The following MICAL2 variants were observed in gnomAD, a reference collection of about 807,000 sequenced individuals.
MICAL2 encodes the protein [F-actin]-monooxygenase MICAL2.
Under a neutral mutation model 127.3 loss-of-function variants are expected in MICAL2, and 77 were observed. The ratio of observed to expected loss-of-function variants is 0.60; its 90% CI spans 0.50 to 0.73. The LOEUF (loss-of-function observed/expected upper bound fraction) is 0.73. Ranked by LOEUF, MICAL2 falls within the 30% of genes least tolerant of loss-of-function variation. MICAL2 has a pLI of 0.00. For synonymous variants in MICAL2, 570 were observed against 551.1 expected (o/e 1.03, Z -0.48); for missense variants, 1,351 against 1,434.4 (o/e 0.94, Z 0.94).
At chr11:12,265,438 T>A (rs1233939698), downstream of MICAL2, among the ~76,000 whole-genome samples, 1 of 152,220 alleles carries the variant, frequency 6.6e-6, no homozygotes, top group Non-Finnish European at 1.5e-5. Flanking sequence ...GGTGATAACC[T>A]TCTAAGCATA....
At chr11:12,178,359 G>A (rs1857065355) in intron 3 of MICAL2, among the ~76,000 whole-genome samples, 1 of 152,050 alleles carries the variant, frequency 6.6e-6, no homozygotes, top group Non-Finnish European at 1.5e-5. Context: ...GCCTCAGGAG[G>A]TCCTGAGAAC....
At chr11:12,228,610 G>T (rs1857790170) in intron 15 of MICAL2, among the ~76,000 whole-genome samples, 1 of 152,210 alleles carries the variant, frequency 6.6e-6, no homozygotes, top group Non-Finnish European at 1.5e-5. Flanking sequence ...TGAGGCGCTG[G>T]CAGAGGCAGA....
intron 6 of MICAL2, among the ~76,000 whole-genome samples, chr11:12,210,837 C>T (rs1017750039): frequency 6.6e-6 from 1 of 152,168 alleles, no homozygotes; most frequent in African/African-American, 2.4e-5. Context: ...TGGGGCCACA[C>T]CATTCTTTGT....
chr11:12,251,457 G>C (rs1861535571), intron 22 of MICAL2, among the ~76,000 whole-genome samples: 2 of 151,666 alleles, frequency 1.3e-5, no homozygotes. Flanking sequence ...TTATTTCCCT[G>C]TGGCCTCTCA....
chr11:12,333,621 C>T (rs72857263), intron 32 of MICAL2, among the ~76,000 whole-genome samples: 1 of 151,928 alleles, frequency 6.6e-6, no homozygotes, highest in Non-Finnish European at 1.5e-5. Flanking sequence ...GTCTATATGA[C>T]AAAAACCCCA....
chr11:12,236,084 A>T (rs1859013504), intron 15 of MICAL2, 93 bp from the exon 16 acceptor site: 2 of 1,073,494 alleles, frequency 1.9e-6, no homozygotes, highest in Non-Finnish European at 2.9e-6. Context: ...CCTCAGCGCC[A>T]GCTCAAAGCC....
chr11:12,293,786 G>T, downstream of MICAL2: 5 of 1,612,942 alleles, frequency 3.1e-6, no homozygotes, highest in Non-Finnish European at 4.2e-6. Flanking sequence ...GCCAGCAGAG[G>T]CCCCTCTTGG....
intron 29 of MICAL2, among the ~76,000 whole-genome samples, chr11:12,297,259 T>G (rs1321016076): frequency 2.0e-5 from 3 of 152,146 alleles, no homozygotes; most frequent in Non-Finnish European, 4.4e-5. Flanking sequence ...GGTGTGAATT[T>G]CATTTTTTGT....
chr11:12,166,688 G>A (rs963480828), intron 3 of MICAL2, among the ~76,000 whole-genome samples: 16 of 152,168 alleles, frequency 1.1e-4, no homozygotes, highest in African/African-American at 3.9e-4. Context: ...ATTCTGATAA[G>A]TGATCAGTAA....
upstream of MICAL2, among the ~76,000 whole-genome samples, chr11:12,275,501 G>C (rs567565589): frequency 1.8e-4 from 27 of 152,314 alleles, no homozygotes; most frequent in African/African-American, 6.5e-4. Flanking sequence ...GGAAATGAAG[G>C]AGATAGCCAG....
downstream of MICAL2, among the ~76,000 whole-genome samples, chr11:12,292,488 G>T (rs180884240): frequency 1.5e-3 from 234 of 152,310 alleles, no homozygotes; most frequent in Middle Eastern, 0.014. Flanking sequence ...AGCTCCTGCT[G>T]TTCCTTCACA....
At chr11:12,235,846 C>T (rs1306610667) in intron 15 of MICAL2, among the ~76,000 whole-genome samples, 1 of 152,224 alleles carries the variant, frequency 6.6e-6, no homozygotes, top group Non-Finnish European at 1.5e-5. Context: ...CAATGGAGAT[C>T]ATCCCTGCCC....
chr11:12,334,531 A>G (rs951171709), intron 32 of MICAL2, among the ~76,000 whole-genome samples: 6 of 151,556 alleles, frequency 4.0e-5, no homozygotes, highest in Admixed American at 1.3e-4. Flanking sequence ...TACATGTGCC[A>G]TGTTGGTGTG....
chr11:12,220,584 T>G, intron 9 of MICAL2, 126 bp downstream of exon 9: 1 of 1,338,748 alleles, frequency 7.5e-7, no homozygotes, highest in East Asian at 2.5e-5. Context: ...GGCAGGACTC[T>G]GCCAAGCCTG....
downstream of MICAL2, among the ~76,000 whole-genome samples, chr11:12,288,515 G>A (rs192186964): frequency 6.6e-6 from 1 of 152,310 alleles, no homozygotes; most frequent in Admixed American, 6.5e-5. Context: ...ATGGTGTCTG[G>A]GATGGGCCTG....
At chr11:12,184,291 G>A (rs546438858) in intron 3 of MICAL2, among the ~76,000 whole-genome samples, 4 of 152,318 alleles carry the variant, frequency 2.6e-5, no homozygotes, top group East Asian at 1.9e-4. Flanking sequence ...GACTCTGAGC[G>A]GAAGCTCTCT....
chr11:12,269,621 A>T (rs1863651968), intron 24 of MICAL2, among the ~76,000 whole-genome samples: 1 of 152,182 alleles, frequency 6.6e-6, no homozygotes, highest in Admixed American at 6.5e-5. Context: ...CCCAGTGTCC[A>T]GGATGAGGGC....
At chr11:12,192,247 G>A (rs1216781039) in intron 3 of MICAL2, among the ~76,000 whole-genome samples, 1 of 152,206 alleles carries the variant, frequency 6.6e-6, no homozygotes, top group East Asian at 1.9e-4. Context: ...AGTGCAGGTG[G>A]GCAGGGCAGC....
intron 3 of MICAL2, among the ~76,000 whole-genome samples, chr11:12,187,770 C>T (rs1452769311): frequency 6.6e-6 from 1 of 152,102 alleles, no homozygotes; most frequent in African/African-American, 2.4e-5. Flanking sequence ...TCCCTGAAAG[C>T]CCAGGTTGAC....
Sources: allele counts gnomAD v4.1 joint callset (sites outside exome capture counted in the v4.1 genomes callset), GRCh38; gene constraint gnomAD v4.1.1; transcripts MANE v1.5; gene names NCBI Gene and HGNC (gene_info 2026-07-23, HGNC 2026-07-21).